Variants in LDLRAD4 observed in about 807,000 individuals in gnomAD.
LDLRAD4 encodes low-density lipoprotein receptor class A domain-containing protein 4.
In LDLRAD4, 5 loss-of-function variants were observed where a neutral mutation model predicts 17.0. The ratio of observed to expected loss-of-function variants is 0.29; its 90% CI spans 0.15 to 0.62. The LOEUF (loss-of-function observed/expected upper bound fraction) is 0.62. LDLRAD4 is among the 20% of genes least tolerant of loss of function. LDLRAD4 has a pLI of 0.84. For missense variants in LDLRAD4, 340 were observed against 424.7 expected (o/e 0.80, Z 1.75); for synonymous variants, 168 against 171.8 (o/e 0.98, Z 0.17).
At chr18:13,442,818 T>C (rs1295674989) in intron 3 of LDLRAD4, among the ~76,000 whole-genome samples, 1 of 152,202 alleles carries the variant, frequency 6.6e-6, no homozygotes, top group Non-Finnish European at 1.5e-5. Flanking sequence ...TCCGAAAGCC[T>C]TGGTGAGCAC....
At position 13,224,653 on chromosome 18, in the gene LDLRAD4, C is replaced by A. The variant is rs546566651; in HGVS notation, c.-467+5665C>A. On this transcript the variant is annotated intron_variant, in intron 1 of 5. Coordinates refer to the LDLRAD4 transcript ENST00000399848. ...TGCCACCACGCCCGGCTAATTTTTTCATATTTTTAGTAGAGACGGGGTTTC... is the reference window on the plus strand; with the variant it reads ...TGCCACCACGCCCGGCTAATTTTTTAATATTTTTAGTAGAGACGGGGTTTC... Among the ~76,000 whole-genome samples, 146 of 151,038 alleles carry A rather than the reference C, an allele frequency of 9.7e-4. 1 individual carries two copies. Among genetic ancestry groups the A allele is most frequent in the African/African-American group, 3.3e-3 (137 of 41,190 alleles).
intron 2 of LDLRAD4, among the ~76,000 whole-genome samples, chr18:13,413,433 G>A (rs1026574252): frequency 7.9e-5 from 12 of 152,292 alleles, no homozygotes; most frequent in Middle Eastern, 3.4e-3. Context: ...TTTTAAACAT[G>A]CATCAATATC....
intron 2 of LDLRAD4, among the ~76,000 whole-genome samples, chr18:13,397,001 C>G (rs1273769325): frequency 2.0e-5 from 3 of 152,230 alleles, no homozygotes; most frequent in African/African-American, 7.2e-5. Context: ...AAGTAGACAA[C>G]AGGCCTCCAG....
At chr18:13,630,056 C>T (rs1284399962) in intron 4 of LDLRAD4, among the ~76,000 whole-genome samples, 1 of 151,710 alleles carries the variant, frequency 6.6e-6, no homozygotes, top group Non-Finnish European at 1.5e-5. Flanking sequence ...AGGCTGATTC[C>T]TCTTGAAGTC....
At position 13,290,303 on chromosome 18, in the gene LDLRAD4, C is replaced by T. The variant is rs149806784; in HGVS notation, c.-383+12115C>T. 8.4e-3 allele frequency among the ~76,000 whole-genome samples: 1,275 copies of T among 152,308 alleles called. 16 individuals are homozygous for T. The highest frequency in any genetic ancestry group is 0.029 in the African/African-American group (1,214 of 41,554). ...AAAGTATCAGTTAACCTTTTACATACCTAAAATGTTTGGCTTGCAGATAGT... is the reference window on the plus strand; with the variant it reads ...AAAGTATCAGTTAACCTTTTACATATCTAAAATGTTTGGCTTGCAGATAGT... On this transcript the variant is annotated intron_variant, in intron 1 of 5. Transcript: ENST00000359446.
intron 2 of LDLRAD4, among the ~76,000 whole-genome samples, chr18:13,413,347 G>A (rs1381471328): frequency 6.6e-6 from 1 of 152,204 alleles, no homozygotes; most frequent in African/African-American, 2.4e-5. Context: ...GTAAATTCCG[G>A]CTATTTTGTG....
intron 1 of LDLRAD4, among the ~76,000 whole-genome samples, chr18:13,228,369 T>G (rs1432261420): frequency 1.3e-5 from 2 of 152,144 alleles, no homozygotes; most frequent in Non-Finnish European, 2.9e-5. Flanking sequence ...GTGCTTGCCA[T>G]TGACCCAGAG....
intron 1 of LDLRAD4, among the ~76,000 whole-genome samples, chr18:13,247,818 A>G (rs1210273720): frequency 1.3e-5 from 2 of 152,162 alleles, no homozygotes; most frequent in African/African-American, 4.8e-5. Flanking sequence ...GATTTCTGCC[A>G]CAGTTTTCAT....
At position 13,287,254 on chromosome 18, in the gene LDLRAD4, G is replaced by A. The variant is rs184845538; in HGVS notation, c.-383+9066G>A. Among the ~76,000 whole-genome samples, 19 of 152,272 alleles carry A rather than the reference G, an allele frequency of 1.2e-4. No individual in the cohort carries two copies. In the East Asian group the frequency reaches 3.5e-3, roughly 28 times the overall value. ...AATACTGTCCCATAAAGTACAGAAA[G>A]ATACACTCAGATGTCTTGATCTTGG... On this transcript the variant is annotated intron_variant, in intron 1 of 5. Coordinates refer to ENST00000359446, the Ensembl canonical transcript of LDLRAD4.
At chr18:13,345,994 C>A (rs541635980) in intron 1 of LDLRAD4, among the ~76,000 whole-genome samples, 1 of 152,024 alleles carries the variant, frequency 6.6e-6, no homozygotes, top group African/African-American at 2.4e-5. Flanking sequence ...GTCTTGCTAG[C>A]GGTCTATCAA....
At chr18:13,517,558 C>T (rs918424666) in intron 3 of LDLRAD4, among the ~76,000 whole-genome samples, 1 of 152,134 alleles carries the variant, frequency 6.6e-6, no homozygotes, top group African/African-American at 2.4e-5. Flanking sequence ...TCAGGGAGGG[C>T]GGCCCGTGGA....
chr18:13,595,748 T>C (rs2095087702), intron 3 of LDLRAD4, among the ~76,000 whole-genome samples: 1 of 152,258 alleles, frequency 6.6e-6, no homozygotes, highest in South Asian at 2.1e-4. Context: ...CTAGTGTTAT[T>C]GTATTTTAAT....
At chr18:13,537,831 A>T (rs1480739605) in intron 3 of LDLRAD4, among the ~76,000 whole-genome samples, 1 of 152,142 alleles carries the variant, frequency 6.6e-6, no homozygotes, top group Non-Finnish European at 1.5e-5. Context: ...AAAGGGAGAT[A>T]TTTAATTATT....
chr18:13,386,346 T>C (rs912279115), intron 1 of LDLRAD4, among the ~76,000 whole-genome samples: 4 of 151,092 alleles, frequency 2.6e-5, no homozygotes, highest in Admixed American at 1.3e-4. Flanking sequence ...TGAAAAACAT[T>C]TTGTAAAATG....
intron 3 of LDLRAD4, among the ~76,000 whole-genome samples, chr18:13,540,245 T>C (rs2094257515): frequency 1.3e-5 from 2 of 152,266 alleles, no homozygotes; most frequent in African/African-American, 2.4e-5. Context: ...GCCAAGAAAT[T>C]GAGATCCCCG....
At chr18:13,556,045 G>A (rs966521516) in intron 3 of LDLRAD4, among the ~76,000 whole-genome samples, 6 of 152,082 alleles carry the variant, frequency 3.9e-5, no homozygotes, top group Non-Finnish European at 7.4e-5. Flanking sequence ...CAAACTACTC[G>A]GAGTCACTGA....
At chr18:13,635,931 C>CTGTGTG (rs60695092) in intron 4 of LDLRAD4, among the ~76,000 whole-genome samples, 5,737 of 147,392 alleles carry the variant, frequency 0.039, 175 homozygotes, top group South Asian at 0.11. Flanking sequence ...GACAGCTATG[C>CTGTGTG]TGTGTGTGTG....
intron 3 of LDLRAD4, among the ~76,000 whole-genome samples, chr18:13,573,397 G>A (rs1006526134): frequency 6.7e-6 from 1 of 148,980 alleles, no homozygotes; most frequent in South Asian, 2.1e-4. Flanking sequence ...CCATCACCAC[G>A]CCCCACTAAT....
At chr18:13,509,988 G>C (rs964498492) in intron 3 of LDLRAD4, among the ~76,000 whole-genome samples, 6 of 152,234 alleles carry the variant, frequency 3.9e-5, no homozygotes, top group African/African-American at 1.4e-4. Flanking sequence ...TCACACGCTA[G>C]AGAGACTACA....
Sources: allele counts gnomAD v4.1 joint callset (sites outside exome capture counted in the v4.1 genomes callset), GRCh38; gene constraint gnomAD v4.1.1; transcripts MANE v1.5; gene names NCBI Gene and HGNC (gene_info 2026-07-23, HGNC 2026-07-21).